MUC3A: variants seen among roughly 807,000 people sequenced by gnomAD.
MUC3A encodes the protein mucin-3A.
Under a neutral mutation model 109.0 loss-of-function variants are expected in MUC3A, and 109 were observed. The ratio of observed to expected loss-of-function variants is 1.00; its 90% confidence interval spans 0.86 to 1.17. MUC3A has a LOEUF of 1.17. Among genes scored for constraint, MUC3A ranks in the 50% most tolerant of loss-of-function variants. The pLI is 0.00. For missense variants in MUC3A, 3,537 were observed against 2,469.4 expected (o/e 1.43, Z -9.16); for synonymous variants, 1,398 against 981.4 (o/e 1.42, Z -7.93).
intron 8 of MUC3A, chr7:100,966,141 ACCCCGCCCCCT>A: frequency 1.1e-5 from 5 of 443,266 alleles, no homozygotes; most frequent in Non-Finnish European, 1.8e-5. Context: ...CTAGGGTTGA[ACCCCGCCCCCT>A]CCTTCTAGGG....
At chr7:100,966,336 G>C in intron 8 of MUC3A, 50 bp from the exon 9 acceptor site, 2 of 1,288,024 alleles carry the variant, frequency 1.6e-6, no homozygotes, top group Non-Finnish European at 2.0e-6. Context: ...GTGCACGGGT[G>C]GACCCCGAGC....
Position 100,952,084 on chromosome 7 carries a change from C to T in MUC3A, c.305C>T (p.Thr102Ile), listed in dbSNP as rs1462554851. ...LNSPVSSNTS[T>I]TPTSKFAFKV... ...TCTCCAGTCAGTTCCAACACCTCAA[C>T]CACCCCGACGTCCAAGTTTGCCTTC... The change falls in exon 2 of 12, where the codon ACC becomes ATC. Residue 102 changes from threonine to isoleucine, a missense_variant. Coordinates refer to ENST00000379458, the MANE Select transcript of MUC3A (RefSeq NM_005960.2). 1.3e-6 allele frequency: 2 copies of T among 1,598,538 alleles called. No homozygotes were observed. Among genetic ancestry groups the T allele is most frequent in the African/African-American group, 1.3e-5 (1 of 74,962 alleles).
chr7:100,966,807 C>G (rs1419531928), intron 10 of MUC3A, 64 bp downstream of exon 10: 5 of 1,598,134 alleles, frequency 3.1e-6, no homozygotes, highest in African/African-American at 1.3e-5. Context: ...AGGACAGACG[C>G]CCTCCCTGCC....
In MUC3A at chr7:100,955,800, A is replaced by G; in HGVS notation, c.4021A>G (p.Thr1341Ala). The G allele has an allele frequency of 1.1e-5, 3 of 279,370 alleles. No individual in the cohort carries two copies. The highest frequency in any genetic ancestry group is 5.8e-6 in the Non-Finnish European group (1 of 173,502). 17.3% of individuals were successfully genotyped at this position (279,370 alleles called of 1,614,324 possible). The change falls in exon 2 of 12, where the codon ACC (threonine) becomes GCC (alanine). Residue 1341 changes from threonine to alanine, a missense_variant. Transcript: ENST00000379458. ...ATCCCCAACGATGGAACCACCTTCAACCACTGTAGCGACTACAGGCACAGG... is the reference window on the plus strand; with the variant it reads ...ATCCCCAACGATGGAACCACCTTCAGCCACTGTAGCGACTACAGGCACAGG... ...TTSPTMEPPS[T>A]TVATTGTGQT... is the part of the protein sequence containing the mutation.
Position 100,966,783 on chromosome 7 carries a change from TGG to T in MUC3A, c.9877+42_9877+43del, listed in dbSNP as rs763949730. 1.2e-5 allele frequency: 19 copies of T among 1,598,382 alleles called. No individual in the cohort carries two copies. In the African/African-American group the frequency reaches 1.6e-4, roughly 13 times the overall value. On this transcript the variant is annotated intron_variant, in intron 10 of 11. Transcript: ENST00000379458. The stretch of plus-strand genomic sequence containing the variant: ...CTGGGGAAGCAGGCAGAGGCTTTCC[TGG>T]GCACCACTGCGAGGACAGACGCCCT...
At chr7:100,951,767 T>G in intron 1 of MUC3A, 74 bp from the exon 2 acceptor site, 1 of 1,552,630 alleles carries the variant, frequency 6.4e-7, no homozygotes, top group Non-Finnish European at 8.7e-7. Flanking sequence ...GGTGAGTGAG[T>G]AGCTTACATG....
Position 100,959,733 on chromosome 7 carries a change from C to G in MUC3A, c.7954C>G (p.Leu2652Val), listed in dbSNP as rs749739864. ...TPSTPSLQTS[L>V]TSTSEFTTES... is the part of the protein sequence containing the mutation. Reference sequence around the variant, plus strand: ...TTCTACTCCCTCATTGCAAACTTCACTCACATCTACAAGTGAGTTCACTAC... The same window carrying G: ...TTCTACTCCCTCATTGCAAACTTCAGTCACATCTACAAGTGAGTTCACTAC... The change falls in exon 2 of 12, where the codon CTC (leucine) becomes GTC (valine). Residue 2652 changes from leucine (L) to valine (V), a missense_variant. Leu to Val is a conservative substitution (Grantham distance 32). Transcript: ENST00000379458. 3 of 1,598,512 alleles carry G rather than the reference C, an allele frequency of 1.9e-6. No individual in the cohort carries two copies. Among genetic ancestry groups the G allele is most frequent in the Admixed American group, 3.3e-5 (2 of 60,030 alleles).
intron 1 of MUC3A, among the ~76,000 whole-genome samples, chr7:100,950,183 G>GTA (rs1791895150): frequency 6.6e-6 from 1 of 152,252 alleles, no homozygotes; most frequent in Non-Finnish European, 1.5e-5. Context: ...TCCCCCGGCG[G>GTA]CTCCTCCCCA....
chr7:100,950,146 C>T (rs74573136), intron 1 of MUC3A, among the ~76,000 whole-genome samples: 1 of 152,206 alleles, frequency 6.6e-6, no homozygotes, highest in Non-Finnish European at 1.5e-5. Context: ...GGTCTCGGTC[C>T]TCTGGTTTCA....
chr7:100,964,665 G>A, intron 5 of MUC3A, 30 bp from the exon 6 acceptor site: 1 of 1,580,508 alleles, frequency 6.3e-7, no homozygotes, highest in Non-Finnish European at 8.6e-7. Context: ...TTCCTGGCTG[G>A]GGCACTCTCT....
At position 100,955,489 on chromosome 7, in the gene MUC3A, T is replaced by A. The variant is rs1186619095; in HGVS notation, c.3710T>A (p.Ile1237Asn). The change falls in exon 2 of 12, where the codon ATT becomes AAT. Residue 1237 changes from isoleucine to asparagine, a missense_variant. Transcript: ENST00000379458. ...SSSSAMSTSVIPSSPSIQNTE... is the reference protein window; with the variant it reads ...SSSSAMSTSVNPSSPSIQNTE... ...TCCTCAGCAATGTCCACAAGTGTCA[T>A]TCCATCTTCCCCCAGCATCCAGAAT... 2.2e-6 allele frequency: 1 copy of A among 455,992 alleles called. No individual in the cohort carries two copies. Among genetic ancestry groups the A allele is most frequent in the African/African-American group, 2.7e-5 (1 of 37,166 alleles). 28.2% of individuals were successfully genotyped at this position (455,992 alleles called of 1,614,324 possible).
In MUC3A at chr7:100,960,526, C is replaced by A. The variant is rs1418078066; in HGVS notation, c.8747C>A (p.Thr2916Asn). The change falls in exon 2 of 12, where the codon ACC (threonine) becomes AAC (asparagine). Residue 2916 changes from threonine to asparagine, a missense_variant. Thr to Asn is a moderately conservative substitution (Grantham distance 65, BLOSUM62 0). Coordinates refer to ENST00000379458, the MANE Select transcript of MUC3A (RefSeq NM_005960.2). ...SSKSTHPSPP[T>N]TRTSETPVAT... is the part of the protein sequence containing the mutation. ...AAGTCAACACACCCCTCCCCACCCA[C>A]CACTAGGACTTCAGAGACACCAGTG... is the stretch of plus-strand genomic sequence containing the variant. The A allele has an allele frequency of 1.9e-6, 3 of 1,598,614 alleles. No homozygotes were observed. The highest frequency in any genetic ancestry group is 2.5e-6 in the Non-Finnish European group (3 of 1,179,834).
At chr7:100,966,835 G>T in intron 10 of MUC3A, 64 bp from the exon 11 acceptor site, 1 of 1,598,380 alleles carries the variant, frequency 6.3e-7, no homozygotes, top group Admixed American at 1.7e-5. Context: ...CATTTACTCC[G>T]TCCCCCTCTC....
chr7:100,964,564 A>G, intron 5 of MUC3A, 131 bp from the exon 6 acceptor site: 1 of 1,397,140 alleles, frequency 7.2e-7, no homozygotes, highest in Non-Finnish European at 9.5e-7. Context: ...AAAAGGATGC[A>G]CGTGGCATCC....
At chr7:100,962,937 C>T (rs1792387590) in intron 3 of MUC3A, among the ~76,000 whole-genome samples, 1 of 152,308 alleles carries the variant, frequency 6.6e-6, no homozygotes, top group Non-Finnish European at 1.5e-5. Context: ...CTCACTACAA[C>T]CTCCGCCTCC....
chr7:100,967,061 C>T (rs901739779), intron 11 of MUC3A, 60 bp from the exon 12 acceptor site: 84 of 1,598,356 alleles, frequency 5.3e-5, no homozygotes, highest in Non-Finnish European at 6.4e-5. Context: ...TCAGCAGTGA[C>T]CTCCCTGTCA....
chr7:100,965,487 G>A (rs1377677483), intron 7 of MUC3A, 140 bp downstream of exon 7: 5 of 1,463,354 alleles, frequency 3.4e-6, no homozygotes, highest in Non-Finnish European at 2.8e-6. Context: ...CCTTCCTGGC[G>A]CTGGTTAGTG....
At position 100,960,646 on chromosome 7, in the gene MUC3A, G is replaced by A; in HGVS notation, c.8866+1G>A. ...CAGTCCACGTTGACCACCACTGCAG[G>A]TTGGACCTTCTGCCTCTCTGTTCCC... On this transcript the variant is annotated splice_donor_variant, in intron 2 of 11. Coordinates refer to ENST00000379458, the MANE Select transcript of MUC3A (RefSeq NM_005960.2). LOFTEE classifies it high-confidence loss of function. 6.3e-7 allele frequency: 1 copy of A among 1,596,938 alleles called. No homozygotes were observed. The highest frequency in any genetic ancestry group is 2.2e-5 in the East Asian group (1 of 44,880).
Position 100,956,027 on chromosome 7 carries a change from C to T in MUC3A, c.4248C>T (p.Leu1416=), listed in dbSNP as rs1009576569. ...WPTATNTLSP[L]TSSILSSTPV... ...CAGCCACTAATACGTTATCACCACTCACCAGTAGCATTTTATCTTCTACAC... is the reference window on the plus strand; with the variant it reads ...CAGCCACTAATACGTTATCACCACTTACCAGTAGCATTTTATCTTCTACAC... The change falls in exon 2 of 12, where the codon CTC becomes CTT. Residue 1416 remains leucine, a synonymous_variant. Coordinates refer to ENST00000379458, the MANE Select transcript of MUC3A (RefSeq NM_005960.2). The T allele has an allele frequency of 1.1e-4, 54 of 479,768 alleles. No homozygotes were observed. Among genetic ancestry groups the T allele is most frequent in the South Asian group, 5.1e-5 (1 of 19,500 alleles). 29.7% of individuals were successfully genotyped at this position (479,768 alleles called of 1,614,324 possible). A position where few individuals can be genotyped will look rare whatever the true frequency, so the allele number is the denominator to read the frequency against.
Sources: gnomAD v4.1 joint callset for allele counts (sites outside exome capture counted in the v4.1 genomes callset) on GRCh38, gnomAD v4.1.1 for gene constraint, MANE v1.5 for transcripts, NCBI Gene and HGNC (gene_info 2026-07-23, HGNC 2026-07-21) for gene names.